PRICKLE2: variants seen among roughly 807,000 people sequenced by gnomAD.
The protein encoded by PRICKLE2 is prickle-like protein 2.
A neutral mutation model predicts 81.4 loss-of-function variants in PRICKLE2; 21 were observed. The ratio of observed to expected loss-of-function variants is 0.26; its 90% CI spans 0.18 to 0.37. The LOEUF (loss-of-function observed/expected upper bound fraction) is 0.37, where lower values mean the gene tolerates loss of function less well. Ranked by LOEUF, PRICKLE2 falls within the 10% of genes least tolerant of loss-of-function variation. The pLI is 1.00. For synonymous variants in PRICKLE2, 456 were observed against 421.5 expected (o/e 1.08, Z -1.00); for missense variants, 940 against 1,109.0 (o/e 0.85, Z 2.16).
chr3:64,160,712 A>G (rs1302325903), intron 3 of PRICKLE2, among the ~76,000 whole-genome samples: 1 of 152,210 alleles, frequency 6.6e-6, no homozygotes, highest in Non-Finnish European at 1.5e-5. Flanking sequence ...CTTGCAAGAG[A>G]CATTTTCCTT....
At chr3:64,220,057 CA>C (rs2078927753) in intron 1 of PRICKLE2, among the ~76,000 whole-genome samples, 1 of 152,194 alleles carries the variant, frequency 6.6e-6, no homozygotes, top group South Asian at 2.1e-4. Context: ...TACACAGACA[CA>C]TAGACACCCA....
intron 7 of PRICKLE2, among the ~76,000 whole-genome samples, chr3:64,144,316 A>G (rs753519152): frequency 2.0e-4 from 30 of 152,090 alleles, no homozygotes; most frequent in Non-Finnish European, 4.0e-4. Flanking sequence ...CAACCTCTCC[A>G]TTTCTGTTTC....
At chr3:64,193,576 A>G (rs1308108883) in intron 2 of PRICKLE2, among the ~76,000 whole-genome samples, 1 of 152,190 alleles carries the variant, frequency 6.6e-6, no homozygotes, top group Non-Finnish European at 1.5e-5. Flanking sequence ...TTTTGTCCAA[A>G]TCAAAGCAGA....
chr3:64,108,650 A>G (rs2076794567), intron 7 of PRICKLE2, among the ~76,000 whole-genome samples: 1 of 152,216 alleles, frequency 6.6e-6, no homozygotes, highest in South Asian at 2.1e-4. Context: ...CCGGACTTGC[A>G]GAATTCAAAT....
chr3:64,258,949 T>C (rs555403566), intron 2 of PRICKLE2, among the ~76,000 whole-genome samples: 188 of 151,794 alleles, frequency 1.2e-3, no homozygotes, highest in African/African-American at 4.1e-3. Flanking sequence ...TGTGGGGCAC[T>C]GGTAATATTT....
chr3:64,222,509 C>A (rs955090445), intron 1 of PRICKLE2, among the ~76,000 whole-genome samples: 2 of 152,114 alleles, frequency 1.3e-5, no homozygotes, highest in Non-Finnish European at 2.9e-5. Flanking sequence ...AGAAGTAGGC[C>A]CACCGGCATG....
chr3:64,199,027 G>A, intron 1 of PRICKLE2, 60 bp from the exon 2 acceptor site: 1 of 1,504,202 alleles, frequency 6.6e-7, no homozygotes, highest in Non-Finnish European at 9.0e-7. Context: ...TTTTCCAAGA[G>A]CCTGCCAGTC....
intron 7 of PRICKLE2, among the ~76,000 whole-genome samples, chr3:64,111,054 C>T (rs970843693): frequency 6.6e-6 from 1 of 150,862 alleles, no homozygotes; most frequent in East Asian, 2.0e-4. Flanking sequence ...CTGGTGAAAG[C>T]ATTGGCTTTG....
rs548009136 is a variant in PRICKLE2, at chr3:64,264,833, G to A, written c.129-65866C>T. On this transcript the variant is annotated intron_variant, in intron 2 of 8. Transcript: ENST00000295902. ...TCACGTATACGCTCCCTGTGGATTG[G>A]CATCTTGCCTGGGAAGATGCTTTGT... is the stretch of plus-strand genomic sequence containing the variant. 1.0e-3 allele frequency among the ~76,000 whole-genome samples: 158 copies of A among 152,300 alleles called. 2 individuals carry two copies. The highest frequency in any genetic ancestry group is 1.1e-3 in the Admixed American group (17 of 15,296).
chr3:64,228,822 T>C (rs1448250491), upstream of PRICKLE2, among the ~76,000 whole-genome samples: 1 of 152,128 alleles, frequency 6.6e-6, no homozygotes, highest in African/African-American at 2.4e-5. Flanking sequence ...TCTGTTTAGG[T>C]AGAATGATAG....
Position 64,127,909 on chromosome 3 carries a change from G to C in PRICKLE2, c.1660+18921C>G, listed in dbSNP as rs547074361. Among the ~76,000 whole-genome samples the C allele has an allele frequency of 2.6e-5, 4 of 152,208 alleles. No individual in the cohort carries two copies. In the South Asian group the frequency reaches 8.3e-4, roughly 32 times the overall value. ...TTGAACGTTTTCCCCTACAGGAAGA[G>C]GGCAGCAGGCACTGATTAAACCAGA... On this transcript the variant is annotated intron_variant, in intron 7 of 7. Transcript: ENST00000638394.
At chr3:64,114,430 T>A (rs2106957450) in intron 7 of PRICKLE2, among the ~76,000 whole-genome samples, 1 of 152,250 alleles carries the variant, frequency 6.6e-6, no homozygotes, top group East Asian at 1.9e-4. Flanking sequence ...TGAAGATCAT[T>A]GAGCTCAGTA....
intron 7 of PRICKLE2, among the ~76,000 whole-genome samples, chr3:64,132,605 T>C (rs890252097): frequency 2.0e-5 from 3 of 152,258 alleles, no homozygotes; most frequent in Non-Finnish European, 2.9e-5. Flanking sequence ...CAATAAATAT[T>C]TGTTGAAAAC....
At chr3:64,196,346 C>T (rs181596095) in intron 2 of PRICKLE2, among the ~76,000 whole-genome samples, 1 of 152,222 alleles carries the variant, frequency 6.6e-6, no homozygotes, top group Non-Finnish European at 1.5e-5. Context: ...AGATGGGCTG[C>T]TTAAAGCAGA....
In PRICKLE2 at chr3:64,097,350, T is replaced by C. The variant is rs1431298323; in HGVS notation, c.*1701A>G. On this transcript the variant is annotated 3_prime_UTR_variant, in exon 8 of 8. Transcript: ENST00000638394. ...AAAAATACTAGAAAATGTTAACTAC[T>C]ATACTGAAAAGAGATCACGCTCACC... 6.6e-6 allele frequency: 1 copy of C among 152,582 alleles called. No individual in the cohort carries two copies. Among genetic ancestry groups the C allele is most frequent in the African/African-American group, 2.4e-5 (1 of 41,422 alleles). 9.5% of individuals were successfully genotyped at this position (152,582 alleles called of 1,614,324 possible).
chr3:64,111,356 T>A (rs374109854), intron 7 of PRICKLE2, among the ~76,000 whole-genome samples: 2 of 152,192 alleles, frequency 1.3e-5, no homozygotes, highest in Non-Finnish European at 1.5e-5. Flanking sequence ...TCTTTCTAAG[T>A]GGGAAAAGGG....
chr3:64,114,455 G>A (rs1483708638), intron 7 of PRICKLE2, among the ~76,000 whole-genome samples: 5 of 152,072 alleles, frequency 3.3e-5, no homozygotes, highest in Non-Finnish European at 5.9e-5. Flanking sequence ...GAAACCCAAT[G>A]CAAGGAAGCT....
intron 3 of PRICKLE2, among the ~76,000 whole-genome samples, 158 bp from the exon 4 acceptor site, chr3:64,160,235 A>G (rs538741901): frequency 6.6e-6 from 1 of 152,208 alleles, no homozygotes; most frequent in African/African-American, 2.4e-5. Flanking sequence ...ATTTAAGGTG[A>G]GTCTCTACTA....
At position 64,144,136 on chromosome 3, in the gene PRICKLE2, T is replaced by G. The variant is rs552873133; in HGVS notation, c.1660+2694A>C. Among the ~76,000 whole-genome samples the G allele has an allele frequency of 1.2e-4, 18 of 152,330 alleles. No individual in the cohort carries two copies. In the South Asian group the frequency reaches 3.5e-3, roughly 30 times the overall value. ...AGTGTTGAAATAGATTTCATATTTT[T>G]AAAAATCCACATTTTTAACTTCTCT... On this transcript the variant is annotated intron_variant, in intron 7 of 7. Coordinates refer to ENST00000638394, the MANE Select transcript of PRICKLE2 (RefSeq NM_198859.4).
Sources: allele counts gnomAD v4.1 joint callset (sites outside exome capture counted in the v4.1 genomes callset), GRCh38; gene constraint gnomAD v4.1.1; transcripts MANE v1.5; gene names NCBI Gene and HGNC (gene_info 2026-07-23, HGNC 2026-07-21).